The following MAP3K2 variants were observed in gnomAD, a reference collection of about 807,000 sequenced individuals.
MAP3K2 encodes mitogen-activated protein kinase kinase kinase 2, also known as MAP/ERK kinase kinase 2.
In MAP3K2, 24 loss-of-function variants were observed where a neutral mutation model predicts 80.3. The ratio of observed to expected loss-of-function variants is 0.30; its 90% confidence interval spans 0.22 to 0.42. MAP3K2 has a LOEUF of 0.42. MAP3K2 is among the 10% of genes least tolerant of loss of function. The pLI, the probability that MAP3K2 is intolerant of heterozygous loss-of-function variation, is 1.00. For synonymous variants in MAP3K2, 244 were observed against 253.7 expected (o/e 0.96, Z 0.36); for missense variants, 608 against 750.1 (o/e 0.81, Z 2.21).
intron 9 of MAP3K2, 51 bp downstream of exon 9, chr2:127,325,677 C>G: frequency 1.4e-6 from 2 of 1,444,530 alleles, no homozygotes; most frequent in Non-Finnish European, 9.7e-7. Flanking sequence ...GACAGCAAAA[C>G]TCTGTCTCAA....
intron 1 of MAP3K2, among the ~76,000 whole-genome samples, chr2:127,368,858 G>A (rs985750374): frequency 1.3e-4 from 19 of 151,452 alleles, no homozygotes; most frequent in African/African-American, 2.9e-4. Context: ...CAAACCTCCC[G>A]CCTCAGCCTC....
rs1244109780 is a variant in MAP3K2 at position 127,306,460 on chromosome 2, C to T, written c.*1119G>A. Reference sequence around the variant, plus strand: ...TCATCCTCGCTCCACTTTTGGCAACCACTGTTTCACATGATACCTGTTTTT... The same window carrying T: ...TCATCCTCGCTCCACTTTTGGCAACTACTGTTTCACATGATACCTGTTTTT... On this transcript the variant is annotated 3_prime_UTR_variant, in exon 17 of 17. Coordinates refer to ENST00000682094, the MANE Select transcript of MAP3K2 (RefSeq NM_001371910.2). This position sits in a 1 kb window ranked among gnomAD's most constrained non-coding sequence, Gnocchi z 4.7. 6.6e-6 allele frequency: 1 copy of T among 152,148 alleles called. No individual in the cohort carries two copies. Among genetic ancestry groups the T allele is most frequent in the African/African-American group, 2.4e-5 (1 of 41,420 alleles). 9.4% of individuals were successfully genotyped at this position (152,148 alleles called of 1,614,324 possible).
intron 16 of MAP3K2, among the ~76,000 whole-genome samples, chr2:127,308,137 T>C (rs983902335): frequency 6.6e-6 from 1 of 152,190 alleles, no homozygotes; most frequent in African/African-American, 2.4e-5. Flanking sequence ...ATCAATTGCC[T>C]TCAGGTGCCT....
intron 1 of MAP3K2, among the ~76,000 whole-genome samples, chr2:127,377,783 A>T (rs1313278647): frequency 6.6e-6 from 1 of 152,240 alleles, no homozygotes; most frequent in Non-Finnish European, 1.5e-5. Context: ...TTTATAAAAC[A>T]GGAAGAGAAA....
rs530069166 is a variant in MAP3K2, at chr2:127,300,414, G to A, written c.*7165C>T. On this transcript the variant is annotated 3_prime_UTR_variant, in exon 17 of 17. Coordinates refer to ENST00000682094, the MANE Select transcript of MAP3K2 (RefSeq NM_001371910.2). ...ATAGGTTAAATATAGAGAATTTAAT[G>A]GCTACATTTAAAAATGTACATTATT... 8 of 152,096 alleles carry A rather than the reference G, an allele frequency of 5.3e-5. No individual in the cohort carries two copies. The highest frequency in any genetic ancestry group is 1.9e-4 in the African/African-American group (8 of 41,492). 9.4% of individuals were successfully genotyped at this position (152,096 alleles called of 1,614,324 possible).
rs1228441444 is a variant in MAP3K2 at position 127,301,013 on chromosome 2, G to T, written c.*6566C>A. 6.6e-6 allele frequency: 1 copy of T among 152,186 alleles called. No individual in the cohort carries two copies. Among genetic ancestry groups the T allele is most frequent in the Non-Finnish European group, 1.5e-5 (1 of 68,016 alleles). 9.4% of individuals were successfully genotyped at this position (152,186 alleles called of 1,614,324 possible). A position where few individuals can be genotyped will look rare whatever the true frequency, so the allele number is the denominator to read the frequency against. On this transcript the variant is annotated 3_prime_UTR_variant, in exon 17 of 17. Coordinates refer to ENST00000682094, the MANE Select transcript of MAP3K2 (RefSeq NM_001371910.2). Reference sequence around the variant, plus strand: ...TCTAAAAAAATATTTAAAAAGAAGTGAACTTAAAAGTGCTTTTCGGTATGG... The same window carrying T: ...TCTAAAAAAATATTTAAAAAGAAGTTAACTTAAAAGTGCTTTTCGGTATGG...
chr2:127,320,383 G>A (rs993214671), intron 12 of MAP3K2, among the ~76,000 whole-genome samples: 1 of 152,078 alleles, frequency 6.6e-6, no homozygotes, highest in Admixed American at 6.6e-5. Context: ...GATGCAACAA[G>A]GCTGAGGAAA....
chr2:127,329,114 AGCAT>A (rs1686199678), intron 7 of MAP3K2, among the ~76,000 whole-genome samples: 2 of 152,190 alleles, frequency 1.3e-5, no homozygotes, highest in Admixed American at 1.3e-4. Flanking sequence ...CTTAAACTAC[AGCAT>A]GCAAGATCTT....
chr2:127,318,015 TG>T (rs1281841490), intron 13 of MAP3K2, among the ~76,000 whole-genome samples, 153 bp downstream of exon 13: 1 of 150,320 alleles, frequency 6.7e-6, no homozygotes, highest in East Asian at 1.9e-4. Context: ...ATATCTAATC[TG>T]TTTTACAAAT....
chr2:127,375,405 TA>T (rs1184160916), intron 1 of MAP3K2, among the ~76,000 whole-genome samples: 14 of 142,388 alleles, frequency 9.8e-5, no homozygotes, highest in East Asian at 8.4e-4. Context: ...TATTATTATT[TA>T]TTTATTTATT....
At chr2:127,354,004 C>T (rs1267006366) in intron 1 of MAP3K2, among the ~76,000 whole-genome samples, 3 of 151,822 alleles carry the variant, frequency 2.0e-5, no homozygotes, top group African/African-American at 7.3e-5. Flanking sequence ...GGATTAAGGG[C>T]GGTACAAGAT....
intron 14 of MAP3K2, among the ~76,000 whole-genome samples, chr2:127,317,287 AAGAG>A (rs1685926449): frequency 6.6e-6 from 1 of 152,312 alleles, no homozygotes; most frequent in Admixed American, 6.5e-5. Flanking sequence ...ATTGTTTAAG[AAGAG>A]AGAGATAATT....
At chr2:127,356,645 A>C (rs529357429) in intron 1 of MAP3K2, among the ~76,000 whole-genome samples, 1 of 152,276 alleles carries the variant, frequency 6.6e-6, no homozygotes, top group African/African-American at 2.4e-5. Flanking sequence ...GTAATTTTTC[A>C]ATTATGGTGC....
intron 1 of MAP3K2, among the ~76,000 whole-genome samples, chr2:127,358,158 T>G (rs1040070543): frequency 6.6e-6 from 1 of 152,088 alleles, no homozygotes; most frequent in Admixed American, 6.5e-5. Flanking sequence ...GGACATACAC[T>G]TCACCAAAAA....
At chr2:127,361,452 G>C (rs1332530628) in intron 1 of MAP3K2, among the ~76,000 whole-genome samples, 2 of 152,034 alleles carry the variant, frequency 1.3e-5, no homozygotes, top group African/African-American at 4.8e-5. Flanking sequence ...CAATAAATTT[G>C]GTTAAGTTTT....
At chr2:127,359,124 CACTAT>C (rs908585800) in intron 1 of MAP3K2, among the ~76,000 whole-genome samples, 9 of 152,058 alleles carry the variant, frequency 5.9e-5, no homozygotes, top group African/African-American at 1.2e-4. Context: ...AGATATACAT[CACTAT>C]ACTATACAAC....
chr2:127,382,500 CTTGTT>C (rs1392980592), intron 1 of MAP3K2, among the ~76,000 whole-genome samples: 1 of 152,000 alleles, frequency 6.6e-6, no homozygotes, highest in African/African-American at 2.4e-5. Context: ...AGAGGTATAC[CTTGTT>C]TTATTTCACT....
chr2:127,345,453 A>C (rs2104853100), intron 1 of MAP3K2, among the ~76,000 whole-genome samples: 1 of 152,360 alleles, frequency 6.6e-6, no homozygotes, highest in South Asian at 2.1e-4. Flanking sequence ...CCCTGCGTTC[A>C]ATAACGGATA....
rs1218855368 is a variant in MAP3K2 at position 127,374,018 on chromosome 2, C to T, written c.-66+13434G>A. 3.9e-5 allele frequency among the ~76,000 whole-genome samples: 6 copies of T among 152,324 alleles called. No individual in the cohort carries two copies. The East Asian group carries it at 1.2e-3, about 29-fold the overall frequency. ...TGCCTACTAAAATAGTTCAATCCCC[C>T]ATACCTAATGCTTTAACATTGTTTA... On this transcript the variant is annotated intron_variant, in intron 1 of 16. Transcript: ENST00000682094.
Sources: allele counts gnomAD v4.1 joint callset (sites outside exome capture counted in the v4.1 genomes callset), GRCh38; gene constraint gnomAD v4.1.1; non-coding constraint Gnocchi (gnomAD v3.1); transcripts MANE v1.5; gene names NCBI Gene and HGNC (gene_info 2026-07-23, HGNC 2026-07-21).